The following NUP35 variants were observed in gnomAD, a reference collection of about 807,000 sequenced individuals.
The protein encoded by NUP35 is nucleoporin 35.
In NUP35, 25 loss-of-function variants were observed where a neutral mutation model predicts 41.5. The ratio of observed to expected loss-of-function variants is 0.60; its 90% CI spans 0.44 to 0.84. The LOEUF (loss-of-function observed/expected upper bound fraction) is 0.84. Ranked by LOEUF, NUP35 falls within the 40% of genes least tolerant of loss-of-function variation. The pLI is 0.00. For missense variants in NUP35, 396 were observed against 396.6 expected (o/e 1.00, Z 0.01); for synonymous variants, 149 against 130.7 (o/e 1.14, Z -0.96).
chr2:183,121,876 A>C (rs1485699297), upstream of NUP35, among the ~76,000 whole-genome samples: 1 of 146,812 alleles, frequency 6.8e-6, no homozygotes, highest in Non-Finnish European at 1.5e-5. Flanking sequence ...ACCTGTCATC[A>C]ACCACAAAAT....
At chr2:183,128,532 C>A in intron 2 of NUP35, 75 bp downstream of exon 2, 1 of 1,018,792 alleles carries the variant, frequency 9.8e-7, no homozygotes, top group Non-Finnish European at 1.4e-6. Context: ...TTCCCTGAAC[C>A]ACATTGGAAG....
intron 5 of NUP35, 60 bp from the exon 6 acceptor site, chr2:183,157,370 CATTATCTTGTAGTA>C: frequency 9.2e-7 from 1 of 1,086,580 alleles, no homozygotes; most frequent in South Asian, 1.2e-5. Flanking sequence ...TATCTTGAAA[CATTATCTTGTAGTA>C]ATTTGCATTC....
chr2:183,158,867 AT>A (rs959523093), intron 7 of NUP35, among the ~76,000 whole-genome samples: 2 of 152,166 alleles, frequency 1.3e-5, no homozygotes, highest in Non-Finnish European at 2.9e-5. Flanking sequence ...GTTTAAAACT[AT>A]TTTAAAATTA....
intron 1 of NUP35, chr2:183,118,777 A>G (rs566828483): frequency 2.6e-5 from 4 of 152,374 alleles, no homozygotes; most frequent in African/African-American, 9.6e-5. Flanking sequence ...GAATGAAAAG[A>G]AAGTAAAGTA....
chr2:183,148,249 A>G (rs1685347174), intron 4 of NUP35, among the ~76,000 whole-genome samples: 1 of 152,320 alleles, frequency 6.6e-6, no homozygotes, highest in Non-Finnish European at 1.5e-5. Flanking sequence ...GCTATTGTGA[A>G]TAGTGCTGTG....
At chr2:183,140,074 C>T (rs1685032431) in intron 4 of NUP35, among the ~76,000 whole-genome samples, 1 of 152,152 alleles carries the variant, frequency 6.6e-6, no homozygotes, top group Non-Finnish European at 1.5e-5. Context: ...TATGTAGCTT[C>T]TTATTGCTGC....
chr2:183,145,862 G>T (rs1685259201), intron 4 of NUP35, among the ~76,000 whole-genome samples: 1 of 152,100 alleles, frequency 6.6e-6, no homozygotes, highest in African/African-American at 2.4e-5. Context: ...AGCCTGGACA[G>T]GATCAAAAGA....
At chr2:183,153,229 A>C (rs1685530737) in intron 5 of NUP35, among the ~76,000 whole-genome samples, 1 of 152,188 alleles carries the variant, frequency 6.6e-6, no homozygotes, top group African/African-American at 2.4e-5. Flanking sequence ...GGGTGGAGAC[A>C]CAGCCAAACC....
Position 183,133,624 on chromosome 2 carries a change from GT to G in NUP35, c.397+2del. The stretch of plus-strand genomic sequence containing the variant: ...GGAGTTACATCTACTCCTGGAACAG[GT>G]AAGTGATTCTTTCTTTTTTTTTTTT... On this transcript the variant is annotated splice_donor_variant, in intron 4 of 8. Coordinates refer to ENST00000295119, the MANE Select transcript of NUP35 (RefSeq NM_138285.5). LOFTEE classifies it high-confidence loss of function. 1 of 1,565,388 alleles carries G rather than the reference GT, an allele frequency of 6.4e-7. No individual in the cohort carries two copies. The highest frequency in any genetic ancestry group is 1.2e-5 in the South Asian group (1 of 83,518).
At chr2:183,139,083 C>A (rs1270807118) in intron 4 of NUP35, among the ~76,000 whole-genome samples, 1 of 151,928 alleles carries the variant, frequency 6.6e-6, no homozygotes, top group Non-Finnish European at 1.5e-5. Context: ...TACAAAGGAC[C>A]TAACATTAAT....
At chr2:183,124,290 G>C, upstream of NUP35, 1 of 1,464,290 alleles carries the variant, frequency 6.8e-7, no homozygotes, top group Non-Finnish European at 9.1e-7. Flanking sequence ...TCAGCGCAAA[G>C]ACTTTGCCCT....
chr2:183,138,269 A>ATATATGTTTTTTT, intron 4 of NUP35, among the ~76,000 whole-genome samples: 1 of 80,690 alleles, frequency 1.2e-5, no homozygotes, highest in Non-Finnish European at 2.2e-5. Context: ...ATATATATAT[A>ATATATGTTTTTTT]TTTTTTTTTT....
rs1685492334 is a variant in NUP35, at chr2:183,152,151, AC to A, written c.539+503del. Among the ~76,000 whole-genome samples, 7 of 141,730 alleles carry A rather than the reference AC, an allele frequency of 4.9e-5. No individual in the cohort carries two copies. In the East Asian group the frequency reaches 1.4e-3, roughly 29 times the overall value. 93.0% of individuals were successfully genotyped at this position (141,730 alleles called of 152,430 possible). On this transcript the variant is annotated intron_variant, in intron 5 of 8. Coordinates refer to ENST00000295119, the MANE Select transcript of NUP35 (RefSeq NM_138285.5). ...CACACACACACACACACACACACAC[AC>A]ACAATGTCACAGGGTTGATACTTTC...
intron 5 of NUP35, among the ~76,000 whole-genome samples, chr2:183,156,110 A>G (rs1685657307): frequency 6.6e-6 from 1 of 152,190 alleles, no homozygotes; most frequent in South Asian, 2.1e-4. Flanking sequence ...ACTAGAATGT[A>G]AGTTTCTACT....
intron 4 of NUP35, among the ~76,000 whole-genome samples, chr2:183,140,944 G>T (rs1685074167): frequency 6.6e-6 from 1 of 151,576 alleles, no homozygotes; most frequent in Admixed American, 6.6e-5. Flanking sequence ...AATTTACTAT[G>T]TCCAAATTAG....
At chr2:183,139,121 A>G (rs1408958108) in intron 4 of NUP35, among the ~76,000 whole-genome samples, 7 of 152,168 alleles carry the variant, frequency 4.6e-5, no homozygotes, top group Admixed American at 4.6e-4. Context: ...GACAACAATA[A>G]GAAAATTAAA....
chr2:183,154,034 A>G (rs1034616843), intron 5 of NUP35, among the ~76,000 whole-genome samples: 1 of 151,522 alleles, frequency 6.6e-6, no homozygotes, highest in Admixed American at 6.6e-5. Context: ...TGGGGCTTCC[A>G]CTCTCTGAAG....
chr2:183,151,164 G>A (rs1685457646), intron 4 of NUP35, among the ~76,000 whole-genome samples: 1 of 152,184 alleles, frequency 6.6e-6, no homozygotes, highest in African/African-American at 2.4e-5. Flanking sequence ...TAAGGCAGAG[G>A]TGCTGTGATG....
chr2:183,137,254 G>A (rs982802154), intron 4 of NUP35, among the ~76,000 whole-genome samples: 2 of 152,122 alleles, frequency 1.3e-5, no homozygotes, highest in Non-Finnish European at 2.9e-5. Context: ...GTAACAAATA[G>A]GTGGATGATG....
Sources: gnomAD v4.1 joint callset for allele counts (sites outside exome capture counted in the v4.1 genomes callset) on GRCh38, gnomAD v4.1.1 for gene constraint, MANE v1.5 for transcripts, NCBI Gene and HGNC (gene_info 2026-07-23, HGNC 2026-07-21) for gene names.